MAP4K1: variants seen among roughly 807,000 people sequenced by gnomAD.
The protein encoded by MAP4K1 is mitogen-activated protein kinase kinase kinase kinase 1.
MAP4K1 carries 35 observed loss-of-function variants against 122.8 expected under a neutral mutation model. That is an observed-to-expected ratio of 0.29 (90% CI 0.22 to 0.38). The LOEUF is 0.38. MAP4K1 is among the 10% of genes least tolerant of loss of function. The pLI is 1.00. For missense variants in MAP4K1, 791 were observed against 1,072.6 expected (o/e 0.74, Z 3.67); for synonymous variants, 412 against 421.3 (o/e 0.98, Z 0.27).
rs375370892 is a variant in MAP4K1, at chr19:38,609,875, G to A, written c.927+34C>T. On this transcript the variant is annotated intron_variant, in intron 12 of 30. Coordinates refer to ENST00000396857, the MANE Select transcript of MAP4K1 (RefSeq NM_001042600.3). ...AGGCACAGCCTGAGAAAGACCGAGA[G>A]GTCCCCAGTGCTCTTGTCAGCCAAG... The A allele has an allele frequency of 6.4e-6, 10 of 1,569,194 alleles. No individual in the cohort carries two copies. The African/African-American group carries it at 6.8e-5, about 11-fold the overall frequency.
intron 13 of MAP4K1, among the ~76,000 whole-genome samples, chr19:38,608,783 G>A (rs1045677377): frequency 6.4e-5 from 7 of 109,460 alleles, no homozygotes; most frequent in Non-Finnish European, 1.2e-4. Context: ...CTGGGCGACA[G>A]AGTGAAACTC....
At position 38,597,622 on chromosome 19, in the gene MAP4K1, G is replaced by A. The variant is rs563229697; in HGVS notation, c.1670-28C>T. ...GCAGGGTGTGTGTATGTAGGGGGAA[G>A]CAGGAAGTTATAGGATCCCATATAC... is the stretch of plus-strand genomic sequence containing the variant. On this transcript the variant is annotated intron_variant, in intron 22 of 30. Coordinates refer to ENST00000396857, the MANE Select transcript of MAP4K1 (RefSeq NM_001042600.3). The surrounding 1 kb of genome is among the most constrained non-coding windows in gnomAD (Gnocchi z 4.6). 2.4e-5 allele frequency: 36 copies of A among 1,509,974 alleles called. No homozygotes were observed. In the South Asian group the frequency reaches 3.2e-4, roughly 13 times the overall value. 93.5% of individuals were successfully genotyped at this position (1,509,974 alleles called of 1,614,324 possible). A position where few individuals can be genotyped will look rare whatever the true frequency, so the allele number is the denominator to read the frequency against.
Position 38,609,896 on chromosome 19 carries a change from C to A in MAP4K1, c.927+13G>T. On this transcript the variant is annotated intron_variant, in intron 12 of 30. Coordinates refer to ENST00000396857, the MANE Select transcript of MAP4K1 (RefSeq NM_001042600.3). ...GAGAGGTCCCCAGTGCTCTTGTCAG[C>A]CAAGGCTCTCACCTCGGGCTCCTCA... is the stretch of plus-strand genomic sequence containing the variant. 1 of 1,608,944 alleles carries A rather than the reference C, an allele frequency of 6.2e-7. No individual in the cohort carries two copies. Among genetic ancestry groups the A allele is most frequent in the Non-Finnish European group, 8.5e-7 (1 of 1,175,302 alleles).
At position 38,606,848 on chromosome 19, in the gene MAP4K1, C is replaced by A. The variant is rs543173914; in HGVS notation, c.1158-633G>T. Among the ~76,000 whole-genome samples, 11 of 152,328 alleles carry A rather than the reference C, an allele frequency of 7.2e-5. No homozygotes were observed. The East Asian group carries it at 1.3e-3, about 19-fold the overall frequency. On this transcript the variant is annotated intron_variant, in intron 16 of 30. Transcript: ENST00000396857. ...CGTGGCCCTGCTCTCCCTGTGCTGG[C>A]GCCACACACAGGCTGTCGCACGTGA...
In MAP4K1 at chr19:38,616,177, C is replaced by T. The variant is rs748802342; in HGVS notation, c.313+18G>A. 5.0e-6 allele frequency: 8 copies of T among 1,607,778 alleles called. No individual in the cohort carries two copies. Among genetic ancestry groups the T allele is most frequent in the East Asian group, 2.2e-5 (1 of 44,738 alleles). On this transcript the variant is annotated intron_variant, in intron 4 of 30. Coordinates refer to ENST00000396857, the MANE Select transcript of MAP4K1 (RefSeq NM_001042600.3). ...GGGATAGGGAGGGGTGCTTGGGTCC[C>T]GTTGTCCTTTCTCTAACCTTGGTAG... is the stretch of plus-strand genomic sequence containing the variant.
intron 9 of MAP4K1, among the ~76,000 whole-genome samples, chr19:38,611,600 T>C (rs908289159): frequency 7.3e-5 from 11 of 151,688 alleles, no homozygotes; most frequent in African/African-American, 1.5e-4. Context: ...TGGGGCAACA[T>C]AGTGAGACAA....
chr19:38,613,026 G>A lies in MAP4K1; in HGVS notation c.534-284C>T, dbSNP rs138296148. On this transcript the variant is annotated intron_variant, in intron 8 of 30. Transcript: ENST00000396857. ...GGGCAACTTATCAAGACCCTATCTC[G>A]GCTGGGCACGGTGGCTTTTGCCTGT... Among the ~76,000 whole-genome samples the A allele has an allele frequency of 2.2e-3, 338 of 151,764 alleles. 2 individuals are homozygous for A. The highest frequency in any genetic ancestry group is 8.0e-3 in the African/African-American group (331 of 41,364).
At chr19:38,590,393 A>T (rs1466554033) in intron 30 of MAP4K1, among the ~76,000 whole-genome samples, 1 of 37,076 alleles carries the variant, frequency 2.7e-5, no homozygotes, top group Non-Finnish European at 4.7e-5. Flanking sequence ...AAAAAAAAAA[A>T]AATATATATA....
At position 38,607,902 on chromosome 19, in the gene MAP4K1, C is replaced by T; in HGVS notation, c.1119G>A (p.Leu373=). 1 of 1,612,370 alleles carries T rather than the reference C, an allele frequency of 6.2e-7. No homozygotes were observed. The change falls in exon 16 of 31, where the codon CTG becomes CTA. Residue 373 remains leucine (L), a synonymous_variant. Transcript: ENST00000396857. The part of the protein sequence containing the change: ...DLRSSSPRKQ[L]SESSDDDYDD... ...CATAGTCATCGTCAGACGACTCTGACAGTTGCTTCCTGAAGGGTGACAGGT... is the reference window on the plus strand; with the variant it reads ...CATAGTCATCGTCAGACGACTCTGATAGTTGCTTCCTGAAGGGTGACAGGT...
rs1176232003 is a variant in MAP4K1, at chr19:38,590,387, AAAAAAAAATATATATATATATATATAT to A, written c.2397-2597_2397-2571del. Among the ~76,000 whole-genome samples the A allele has an allele frequency of 4.2e-4, 30 of 70,758 alleles. 3 individuals are homozygous for A. The highest frequency in any genetic ancestry group is 1.9e-3 in the East Asian group (4 of 2,148). 46.4% of individuals were successfully genotyped at this position (70,758 alleles called of 152,430 possible). A position where few individuals can be genotyped will look rare whatever the true frequency, so the allele number is the denominator to read the frequency against. On this transcript the variant is annotated intron_variant, in intron 30 of 30. Coordinates refer to ENST00000396857, the MANE Select transcript of MAP4K1 (RefSeq NM_001042600.3). ...ATCTTGGACCAGAAAAAAAAAAAAA[AAAAAAAAATATATATATATATATATAT>A]ATATATATATATATATATATATAAT... is the stretch of plus-strand genomic sequence containing the variant.
Position 38,611,247 on chromosome 19 carries a change from T to C in MAP4K1, c.724A>G (p.Lys242Glu). The C allele has an allele frequency of 6.2e-7, 1 of 1,613,412 alleles. No homozygotes were observed. The highest frequency in any genetic ancestry group is 8.5e-7 in the Non-Finnish European group (1 of 1,179,398). Residue 242 changes from lysine (K) to glutamate (E), a missense_variant, in exon 10 of 31, where the codon AAA (lysine) becomes GAA (glutamate). Lys to Glu is a moderately conservative substitution (Grantham distance 56, BLOSUM62 1). Around this residue, in one of 4 missense-constraint regions of MAP4K1, gnomAD observed 303 missense variants for 344.8 expected, o/e 0.88. Transcript: ENST00000396857. ...CCTCCTGTTACTCTCTCGTACCATT[T>C]GCCTTTTTCCTTCAGTCGGGGAGGC... ...YQPPRLKEKGKWSAAFHNFIK... is the reference protein window; with the variant it reads ...YQPPRLKEKGEWSAAFHNFIK...
At chr19:38,615,814 C>T (rs530715772) in intron 4 of MAP4K1, among the ~76,000 whole-genome samples, 10 of 152,178 alleles carry the variant, frequency 6.6e-5, no homozygotes, top group East Asian at 1.9e-4. Flanking sequence ...TCTGCCACCA[C>T]GCCCGGCTAA....
At chr19:38,596,210 T>C in intron 26 of MAP4K1, 102 bp downstream of exon 26, 4 of 1,439,246 alleles carry the variant, frequency 2.8e-6, no homozygotes, top group Non-Finnish European at 3.7e-6. Flanking sequence ...TTCCAGCCCT[T>C]TCTCAGTCCC....
At chr19:38,614,518 C>G in intron 4 of MAP4K1, 73 bp from the exon 5 acceptor site, 1 of 1,514,258 alleles carries the variant, frequency 6.6e-7, no homozygotes, top group Non-Finnish European at 9.1e-7. Context: ...GTCCTGCCCC[C>G]CCACACCAGC....
rs1974924948 is a variant in MAP4K1, at chr19:38,597,443, G to C, written c.1778+43C>G. The C allele has an allele frequency of 6.2e-7, 1 of 1,612,764 alleles. No homozygotes were observed. Among genetic ancestry groups the C allele is most frequent in the Admixed American group, 1.7e-5 (1 of 59,986 alleles). ...CAGCAGGAGGCAGAGGGGCATGGGA[G>C]GAATTATAAGGCTGTGTGGTGCCAT... is the stretch of plus-strand genomic sequence containing the variant. On this transcript the variant is annotated intron_variant, in intron 23 of 30. Coordinates refer to ENST00000396857, the MANE Select transcript of MAP4K1 (RefSeq NM_001042600.3). This position sits in a 1 kb window ranked among gnomAD's most constrained non-coding sequence, Gnocchi z 4.6.
At chr19:38,588,662 G>C (rs1974604899) in intron 30 of MAP4K1, among the ~76,000 whole-genome samples, 1 of 151,744 alleles carries the variant, frequency 6.6e-6, no homozygotes, top group Non-Finnish European at 1.5e-5. Context: ...TGAGGCAGGA[G>C]AATGGCGTGA....
Position 38,600,101 on chromosome 19 carries a change from A to G in MAP4K1, c.1584T>C (p.Asn528=), listed in dbSNP as rs1975016372. ...CCATTTCCAGCGTGGCCTCCTGGTC[A>G]TTCCGGTTCAGGATGAAGATGCCTT... is the stretch of plus-strand genomic sequence containing the variant. ...AEEGIFILNR[N]DQEATLEMLF... Residue 528 remains asparagine (N), a synonymous_variant, in exon 21 of 31, where the codon AAT becomes AAC. Coordinates refer to ENST00000396857, the MANE Select transcript of MAP4K1 (RefSeq NM_001042600.3). 1 of 1,614,092 alleles carries G rather than the reference A, an allele frequency of 6.2e-7. No homozygotes were observed. The highest frequency in any genetic ancestry group is 8.5e-7 in the Non-Finnish European group (1 of 1,180,008).
At chr19:38,604,789 CAA>C (rs112047872) in intron 19 of MAP4K1, among the ~76,000 whole-genome samples, 2 of 109,784 alleles carry the variant, frequency 1.8e-5, no homozygotes, top group Admixed American at 1.0e-4. Context: ...GACTCTGTCT[CAA>C]AAAAAAAAAA....
intron 14 of MAP4K1, 21 bp from the exon 15 acceptor site, chr19:38,608,054 C>A (rs376908851): frequency 1.9e-6 from 3 of 1,581,440 alleles, no homozygotes; most frequent in African/African-American, 1.4e-5. Flanking sequence ...GGAAAAGGGT[C>A]AGCAGTGGCC....
Sources: gnomAD v4.1 joint callset for allele counts (sites outside exome capture counted in the v4.1 genomes callset) on GRCh38, gnomAD v4.1.1 for gene constraint, gnomAD v4.1.1 regional missense constraint, Gnocchi (gnomAD v3.1) non-coding constraint, MANE v1.5 for transcripts, NCBI Gene and HGNC (gene_info 2026-07-23, HGNC 2026-07-21) for gene names.